The following CDK12 variants were observed in gnomAD, a reference collection of about 807,000 sequenced individuals.
CDK12 encodes cyclin-dependent kinase 12.
CDK12 carries 17 observed loss-of-function variants against 133.8 expected under a neutral mutation model. The observed-to-expected ratio is 0.13, with a 90% CI of 0.09 to 0.19. The LOEUF (loss-of-function observed/expected upper bound fraction) is 0.19. Among genes scored for constraint, CDK12 ranks in the 10% least tolerant of loss-of-function variants. The pLI is 1.00. For missense variants in CDK12, 1,508 were observed against 1,818.7 expected, an observed-to-expected ratio of 0.83 and a Z score of 3.11; for synonymous variants, 694 against 683.6, an observed-to-expected ratio of 1.02 and a Z score of -0.24.
chr17:39,536,748 C>T (rs2055150788), downstream of CDK12, among the ~76,000 whole-genome samples: 2 of 152,156 alleles, frequency 1.3e-5, no homozygotes, highest in African/African-American at 4.8e-5. Context: ...TCTCATATCT[C>T]TTATCTCAAA....
At chr17:39,486,156 T>C (rs2051108696) in intron 2 of CDK12, among the ~76,000 whole-genome samples, 1 of 151,832 alleles carries the variant, frequency 6.6e-6, no homozygotes, top group Admixed American at 6.6e-5. Flanking sequence ...TTTCACCATG[T>C]TGGCTAGGCT....
intron 6 of CDK12, among the ~76,000 whole-genome samples, chr17:39,507,288 G>C (rs372916385): frequency 6.6e-6 from 1 of 151,440 alleles, no homozygotes; most frequent in African/African-American, 2.4e-5. Context: ...GTGGGAGTCA[G>C]TAAAAGTGCT....
intron 4 of CDK12, among the ~76,000 whole-genome samples, chr17:39,493,142 C>T (rs1350534546): frequency 1.3e-5 from 2 of 148,954 alleles, no homozygotes; most frequent in Non-Finnish European, 1.5e-5. Context: ...ACAGACCGTG[C>T]GCAACCACAC....
intron 1 of CDK12, among the ~76,000 whole-genome samples, chr17:39,466,202 G>A (rs1369269682): frequency 2.0e-5 from 3 of 151,758 alleles, no homozygotes; most frequent in African/African-American, 4.8e-5. Flanking sequence ...CAGCTACTCG[G>A]GAGGCTGAGG....
At chr17:39,509,881 G>T (rs914456379) in intron 7 of CDK12, 120 bp downstream of exon 7, 2 of 740,604 alleles carry the variant, frequency 2.7e-6, no homozygotes, top group African/African-American at 3.5e-5. Flanking sequence ...GCTCGCTGCA[G>T]CCTCAACCTC....
At chr17:39,481,329 C>CTT (rs569177170) in intron 2 of CDK12, among the ~76,000 whole-genome samples, 57 of 135,528 alleles carry the variant, frequency 4.2e-4, no homozygotes, top group African/African-American at 5.6e-4. Flanking sequence ...TCTTCTTTCT[C>CTT]TTTTTTTTTT....
chr17:39,567,450 TTCTA>T (rs2056604948), downstream of CDK12: 1 of 152,250 alleles, frequency 6.6e-6, no homozygotes, highest in South Asian at 2.1e-4. Flanking sequence ...CAGTGACCAT[TTCTA>T]TCTGTGTTCA....
At chr17:39,506,234 T>G (rs894028901) in intron 6 of CDK12, among the ~76,000 whole-genome samples, 2 of 149,380 alleles carry the variant, frequency 1.3e-5, no homozygotes, top group African/African-American at 4.9e-5. Context: ...TTTTTTTTTT[T>G]GAGATGGAGT....
At chr17:39,481,696 C>G (rs1462810129) in intron 2 of CDK12, among the ~76,000 whole-genome samples, 1 of 11,430 alleles carries the variant, frequency 8.7e-5, no homozygotes, top group African/African-American at 1.8e-4. Context: ...CTCTCTCTCT[C>G]TCTCTCTCTC....
intron 3 of CDK12, among the ~76,000 whole-genome samples, chr17:39,564,406 A>G (rs1427648009): frequency 6.6e-6 from 1 of 152,158 alleles, no homozygotes; most frequent in Non-Finnish European, 1.5e-5. Context: ...GGAATGGAGG[A>G]GTGCCTAAGG....
At chr17:39,482,015 C>CTTTTTTTT (rs56340258) in intron 2 of CDK12, among the ~76,000 whole-genome samples, 16 of 96,258 alleles carry the variant, frequency 1.7e-4, no homozygotes, top group Middle Eastern at 8.1e-3. Flanking sequence ...CCTGGCTTGC[C>CTTTTTTTT]TTTTTTTTTT....
chr17:39,562,009 G>A (rs1203742761), intron 3 of CDK12, among the ~76,000 whole-genome samples: 2 of 152,164 alleles, frequency 1.3e-5, no homozygotes, highest in South Asian at 4.2e-4. Flanking sequence ...GCGCGATCTC[G>A]GCTCACTGCA....
At chr17:39,470,443 A>G (rs2049709849) in intron 1 of CDK12, among the ~76,000 whole-genome samples, 1 of 152,146 alleles carries the variant, frequency 6.6e-6, no homozygotes, top group Non-Finnish European at 1.5e-5. Context: ...TTTTTAAATG[A>G]ACTTTATTTC....
At chr17:39,522,183 C>CA (rs1382972789) in intron 11 of CDK12, among the ~76,000 whole-genome samples, 1 of 151,886 alleles carries the variant, frequency 6.6e-6, no homozygotes, top group Admixed American at 6.6e-5. Context: ...GATCTCGACT[C>CA]ACCACAAGCG....
In CDK12 at chr17:39,533,536, A is replaced by AT. The variant is rs2054987002; in HGVS notation, c.*2221dup. 1 of 233,026 alleles carries AT rather than the reference A, an allele frequency of 4.3e-6. No individual in the cohort carries two copies. The highest frequency in any genetic ancestry group is 2.2e-5 in the African/African-American group (1 of 45,316). 14.4% of individuals were successfully genotyped at this position (233,026 alleles called of 1,614,324 possible). On this transcript the variant is annotated 3_prime_UTR_variant, in exon 14 of 14. Transcript: ENST00000447079. ...CCATCAAATATGAATAAAATTCTCT[A>AT]TATATTTCATTGTATTTTGGTTATC...
rs1447265530 is a variant in CDK12 at position 39,476,716 on chromosome 17, T to TTTTTTTTC, written c.1931+4960_1931+4961insCTTTTTTT. ...GCATGAGCCACCATGCCTGCCTTTT[T>TTTTTTTTC]TTTTTTTTTTTTTTTTTTTTTTTTG... is the stretch of plus-strand genomic sequence containing the variant. On this transcript the variant is annotated intron_variant, in intron 2 of 13. Coordinates refer to ENST00000447079, the MANE Select transcript of CDK12 (RefSeq NM_016507.4). Among the ~76,000 whole-genome samples, 209 of 100,786 alleles carry TTTTTTTTC rather than the reference T, an allele frequency of 2.1e-3. 10 individuals carry two copies. The highest frequency in any genetic ancestry group is 8.0e-3 in the African/African-American group (196 of 24,556). The allele number at this position is 100,786 out of a possible 152,430, so 66.1% of individuals were successfully genotyped here. A position where few individuals can be genotyped will look rare whatever the true frequency, so the allele number is the denominator to read the frequency against.
chr17:39,522,112 G>C (rs1288262025), intron 11 of CDK12, among the ~76,000 whole-genome samples: 1 of 151,482 alleles, frequency 6.6e-6, no homozygotes, highest in East Asian at 1.9e-4. Context: ...GGTTTTTTTT[G>C]TTATTATTTT....
At chr17:39,560,300 ACTT>A (rs577913480) in intron 3 of CDK12, among the ~76,000 whole-genome samples, 191 of 152,300 alleles carry the variant, frequency 1.3e-3, no homozygotes, top group African/African-American at 4.3e-3. Flanking sequence ...GTGAACATAA[ACTT>A]CTTCTTATAT....
Position 39,529,095 on chromosome 17 carries a change from T to C in CDK12, c.3761-1509T>C, listed in dbSNP as rs1443362614. ...GTCAACAAATAACTTGGGTGGGTAC[T>C]ATACATAGGGTCACCAATTCATTCC... On this transcript the variant is annotated intron_variant, in intron 13 of 13. Coordinates refer to ENST00000447079, the MANE Select transcript of CDK12 (RefSeq NM_016507.4). 2.6e-5 allele frequency among the ~76,000 whole-genome samples: 4 copies of C among 152,320 alleles called. No homozygotes were observed. The South Asian group carries it at 8.3e-4, about 32-fold the overall frequency.
Sources: allele counts gnomAD v4.1 joint callset (sites outside exome capture counted in the v4.1 genomes callset), GRCh38; gene constraint gnomAD v4.1.1; transcripts MANE v1.5; gene names NCBI Gene and HGNC (gene_info 2026-07-23, HGNC 2026-07-21).